PBX1: variants seen among roughly 807,000 people sequenced by gnomAD.
PBX1 encodes the protein pre-B-cell leukemia transcription factor 1.
Under a neutral mutation model 53.4 loss-of-function variants are expected in PBX1, and 6 were observed. That is an observed-to-expected ratio of 0.11 (90% CI 0.06 to 0.22). The LOEUF is 0.22. Among genes scored for constraint, PBX1 ranks in the 10% least tolerant of loss-of-function variants. The probability of loss-of-function intolerance (pLI) is 1.00; values close to 1 mark genes in which losing one functional copy is unlikely to be tolerated. For missense variants in PBX1, 251 were observed against 551.4 expected (o/e 0.46, Z 5.46); for synonymous variants, 204 against 212.3 (o/e 0.96, Z 0.34).
At chr1:164,564,254 A>G (rs934450146) in intron 2 of PBX1, among the ~76,000 whole-genome samples, 1 of 152,174 alleles carries the variant, frequency 6.6e-6, no homozygotes, top group African/African-American at 2.4e-5. Context: ...AGTACCTGAC[A>G]TCCTATTTAT....
intron 2 of PBX1, among the ~76,000 whole-genome samples, chr1:164,707,394 G>GGGGT (rs1553233440): frequency 9.7e-6 from 1 of 103,504 alleles, no homozygotes; most frequent in Admixed American, 1.1e-4. Context: ...ACACCACTGA[G>GGGGT]GTGTGTGTGT....
downstream of PBX1, among the ~76,000 whole-genome samples, chr1:164,856,525 T>G (rs1671980068): frequency 6.6e-6 from 1 of 152,158 alleles, no homozygotes; most frequent in African/African-American, 2.4e-5. Context: ...CTGTTCAGCT[T>G]TAATTCCTTG....
intron 8 of PBX1, among the ~76,000 whole-genome samples, chr1:164,840,147 G>A (rs778293943): frequency 6.6e-6 from 1 of 152,138 alleles, no homozygotes; most frequent in Non-Finnish European, 1.5e-5. Flanking sequence ...GGTAGAGATG[G>A]TCTCAACCAC....
chr1:164,622,976 G>A (rs979595280), intron 2 of PBX1, among the ~76,000 whole-genome samples: 1 of 151,880 alleles, frequency 6.6e-6, no homozygotes, highest in East Asian at 1.9e-4. Context: ...CACTACACCC[G>A]GCTAATTTTT....
intron 6 of PBX1, chr1:164,817,061 T>C (rs1669911156): frequency 6.6e-6 from 1 of 151,618 alleles, no homozygotes; most frequent in Non-Finnish European, 1.5e-5. Flanking sequence ...ATGCCCCAAA[T>C]GTCTGGGTGG....
At chr1:164,792,762 G>T in intron 3 of PBX1, 24 bp downstream of exon 3, 1 of 1,550,712 alleles carries the variant, frequency 6.4e-7, no homozygotes, top group Non-Finnish European at 8.8e-7. Context: ...CCTGGGGCTC[G>T]GCACCCAGGC....
At chr1:164,733,099 TTTTTATTCTCCCTA>T (rs1463973904) in intron 2 of PBX1, among the ~76,000 whole-genome samples, 4 of 152,198 alleles carry the variant, frequency 2.6e-5, no homozygotes, top group Admixed American at 6.5e-5. Flanking sequence ...ATCCTCGGTA[TTTTTATTCTCCCTA>T]TTGGGCATCT....
chr1:164,836,542 A>T (rs1671049290), intron 8 of PBX1, among the ~76,000 whole-genome samples: 1 of 152,156 alleles, frequency 6.6e-6, no homozygotes, highest in Non-Finnish European at 1.5e-5. Context: ...TTTTCATTTC[A>T]TCAGTAAATA....
intron 8 of PBX1, among the ~76,000 whole-genome samples, chr1:164,846,142 C>T (rs1441130665): frequency 6.6e-6 from 1 of 152,018 alleles, no homozygotes; most frequent in Non-Finnish European, 1.5e-5. Context: ...CATCCAGAGT[C>T]AGAAAGAACC....
At chr1:164,790,641 A>C (rs1332351907) in intron 2 of PBX1, among the ~76,000 whole-genome samples, 6 of 152,008 alleles carry the variant, frequency 3.9e-5, no homozygotes, top group Admixed American at 3.9e-4. Flanking sequence ...CCACTGATCC[A>C]CATGGCTCGC....
intron 8 of PBX1, among the ~76,000 whole-genome samples, chr1:164,821,834 G>A (rs1438841385): frequency 4.6e-5 from 7 of 152,100 alleles, no homozygotes; most frequent in African/African-American, 1.7e-4. Flanking sequence ...CAGGCAGCTG[G>A]CGTCTAGGGC....
intron 2 of PBX1, among the ~76,000 whole-genome samples, chr1:164,581,944 A>G (rs772882864): frequency 2.0e-5 from 3 of 152,142 alleles, no homozygotes; most frequent in Non-Finnish European, 4.4e-5. Context: ...CTCAGGGAAC[A>G]TATTTATCCA....
chr1:164,570,834 G>T (rs570630303), intron 2 of PBX1, among the ~76,000 whole-genome samples: 3 of 152,326 alleles, frequency 2.0e-5, no homozygotes, highest in Non-Finnish European at 2.9e-5. Flanking sequence ...CAGTGTAAAA[G>T]AATTCCTATT....
chr1:164,729,455 TC>T (rs1435522825), intron 2 of PBX1, among the ~76,000 whole-genome samples: 1 of 152,204 alleles, frequency 6.6e-6, no homozygotes, highest in Non-Finnish European at 1.5e-5. Context: ...AATATGGATA[TC>T]AAGATTTCAA....
At chr1:164,876,324 A>G (rs1414928889) in intron 2 of PBX1, among the ~76,000 whole-genome samples, 1 of 151,716 alleles carries the variant, frequency 6.6e-6, no homozygotes, top group East Asian at 2.0e-4. Context: ...GCTCAGTAAC[A>G]GCACAGTCTC....
In PBX1 at chr1:164,559,322, C is replaced by T. The variant is rs1261196851; in HGVS notation, c.-501C>T. ...CCACCCCCTTTGAGATCACTCTGGCCCGGAGTGGGGGTGGGGGGCAGCGGG... is the reference window on the plus strand; with the variant it reads ...CCACCCCCTTTGAGATCACTCTGGCTCGGAGTGGGGGTGGGGGGCAGCGGG... On this transcript the variant is annotated 5_prime_UTR_variant, in exon 1 of 9. Coordinates refer to ENST00000420696, the MANE Select transcript of PBX1 (RefSeq NM_002585.4). 1 of 186,690 alleles carries T rather than the reference C, an allele frequency of 5.4e-6. No homozygotes were observed. Among genetic ancestry groups the T allele is most frequent in the African/African-American group, 2.5e-5 (1 of 39,828 alleles). 11.6% of individuals were successfully genotyped at this position (186,690 alleles called of 1,614,324 possible).
rs192930188 is a variant in PBX1, at chr1:164,821,701, C to T, written c.1200+75C>T. The stretch of plus-strand genomic sequence containing the variant: ...ACCAATTATTTCAAAGCCATAGGGC[C>T]CAGAATGCCACTTAGTAGGGCTTAT... On this transcript the variant is annotated intron_variant, in intron 8 of 8. Coordinates refer to ENST00000420696, the MANE Select transcript of PBX1 (RefSeq NM_002585.4). 4.5e-4 allele frequency: 493 copies of T among 1,098,732 alleles called. 1 individual carries two copies. The African/African-American group carries it at 6.6e-3, about 15-fold the overall frequency. 68.1% of individuals were successfully genotyped at this position (1,098,732 alleles called of 1,614,324 possible).
At chr1:164,794,645 A>G (rs1451205165) in intron 3 of PBX1, among the ~76,000 whole-genome samples, 3 of 152,214 alleles carry the variant, frequency 2.0e-5, no homozygotes, top group Non-Finnish European at 2.9e-5. Flanking sequence ...CCCAACCATG[A>G]CCATCATTTA....
chr1:164,600,091 A>G (rs1455036702), intron 2 of PBX1, among the ~76,000 whole-genome samples: 1 of 152,096 alleles, frequency 6.6e-6, no homozygotes, highest in African/African-American at 2.4e-5. Context: ...CTAAATCTCA[A>G]TTTAGTCTGT....
Sources: gnomAD v4.1 joint callset for allele counts (sites outside exome capture counted in the v4.1 genomes callset) on GRCh38, gnomAD v4.1.1 for gene constraint, MANE v1.5 for transcripts, NCBI Gene and HGNC (gene_info 2026-07-23, HGNC 2026-07-21) for gene names.